DLG2: variants seen among roughly 807,000 people sequenced by gnomAD.
DLG2 encodes disks large homolog 2.
A neutral mutation model predicts 132.5 loss-of-function variants in DLG2; 45 were observed. That is an observed-to-expected ratio of 0.34 (90% CI 0.27 to 0.44). DLG2 has a LOEUF of 0.44. DLG2 is among the 20% of genes least tolerant of loss of function. DLG2 has a pLI of 1.00. For synonymous variants in DLG2, 424 were observed against 419.6 expected (o/e 1.01, Z -0.13); for missense variants, 1,045 against 1,196.9 (o/e 0.87, Z 1.87).
chr11:83,620,267 A>T (rs535080496), intron 19 of DLG2, among the ~76,000 whole-genome samples: 3 of 145,628 alleles, frequency 2.1e-5, no homozygotes, highest in East Asian at 3.9e-4. Context: ...CTTTAAAAAA[A>T]ATCTGTTTTT....
chr11:84,160,825 T>C (rs978874866), intron 9 of DLG2, among the ~76,000 whole-genome samples: 1 of 152,090 alleles, frequency 6.6e-6, no homozygotes, highest in East Asian at 1.9e-4. Flanking sequence ...TGGGAGAATA[T>C]ACTAGTAGAC....
At chr11:84,536,409 A>T (rs1051840187) in intron 6 of DLG2, among the ~76,000 whole-genome samples, 2 of 152,114 alleles carry the variant, frequency 1.3e-5, no homozygotes, top group African/African-American at 4.8e-5. Context: ...TTGGCTGCTT[A>T]GTAGAAAAAA....
At chr11:84,179,116 T>C (rs1351082377) in intron 8 of DLG2, among the ~76,000 whole-genome samples, 3 of 152,112 alleles carry the variant, frequency 2.0e-5, no homozygotes, top group African/African-American at 7.2e-5. Flanking sequence ...AATTAAAGTA[T>C]GACAACAATG....
intron 6 of DLG2, among the ~76,000 whole-genome samples, chr11:84,877,550 G>A (rs1283547873): frequency 5.8e-5 from 3 of 51,938 alleles, no homozygotes; most frequent in Non-Finnish European, 1.1e-4. Flanking sequence ...CCATTTGCTT[G>A]GCAAATATTC....
At chr11:84,445,613 T>G (rs990910790) in intron 7 of DLG2, among the ~76,000 whole-genome samples, 34 of 152,116 alleles carry the variant, frequency 2.2e-4, no homozygotes, top group Non-Finnish European at 7.3e-5. Context: ...ATCTGATTAT[T>G]TATAAAATAA....
chr11:84,065,984 A>G (rs1027403607), intron 10 of DLG2, among the ~76,000 whole-genome samples: 9 of 152,210 alleles, frequency 5.9e-5, no homozygotes, highest in Admixed American at 5.2e-4. Flanking sequence ...CAAATACTCC[A>G]TGATCTCATT....
At chr11:84,131,911 T>C (rs1039174412) in intron 9 of DLG2, among the ~76,000 whole-genome samples, 5 of 151,996 alleles carry the variant, frequency 3.3e-5, no homozygotes, top group Non-Finnish European at 7.4e-5. Flanking sequence ...TTTCTGGCCA[T>C]ATATGTATGT....
intron 7 of DLG2, among the ~76,000 whole-genome samples, chr11:84,505,456 A>C (rs1463142322): frequency 6.6e-6 from 1 of 152,208 alleles, no homozygotes; most frequent in Non-Finnish European, 1.5e-5. Context: ...CTACAGACCT[A>C]GTAAAAATCA....
At chr11:84,195,452 C>A (rs1328499480) in intron 8 of DLG2, among the ~76,000 whole-genome samples, 1 of 152,320 alleles carries the variant, frequency 6.6e-6, no homozygotes, top group East Asian at 1.9e-4. Context: ...GCATAAGCTA[C>A]CGTGCCCAGC....
intron 6 of DLG2, among the ~76,000 whole-genome samples, chr11:84,755,705 G>A (rs1269993414): frequency 6.6e-6 from 1 of 152,224 alleles, no homozygotes; most frequent in Non-Finnish European, 1.5e-5. Flanking sequence ...TTACAGGCAT[G>A]AGCTACCGCG....
At chr11:85,432,661 CG>C (rs1320010742) in intron 3 of DLG2, among the ~76,000 whole-genome samples, 1 of 151,906 alleles carries the variant, frequency 6.6e-6, no homozygotes, top group Non-Finnish European at 1.5e-5. Flanking sequence ...CCCAGAAATA[CG>C]GAACTACATA....
At chr11:84,166,514 A>AAG (rs1555391510) in intron 8 of DLG2, among the ~76,000 whole-genome samples, 5 of 149,452 alleles carry the variant, frequency 3.3e-5, no homozygotes, top group Admixed American at 6.6e-5. Context: ...AAAAAAAAAA[A>AAG]AAAAAAGAAA....
Position 84,998,973 on chromosome 11 carries a change from T to TTATATA in DLG2, c.357+112682_357+112687dup, listed in dbSNP as rs143714577. The stretch of plus-strand genomic sequence containing the variant: ...TGTCCCTTTTAACTTATTATTACAA[T>TTATATA]TATATATATATATATATTTTATTTC... On this transcript the variant is annotated intron_variant, in intron 6 of 27. Transcript: ENST00000376104. Among the ~76,000 whole-genome samples the TTATATA allele has an allele frequency of 6.7e-5, 10 of 148,664 alleles. No individual in the cohort carries two copies. In the South Asian group the frequency reaches 8.4e-4, roughly 12 times the overall value.
chr11:84,646,406 T>C (rs1438204732), intron 6 of DLG2, among the ~76,000 whole-genome samples: 1 of 152,150 alleles, frequency 6.6e-6, no homozygotes, highest in Non-Finnish European at 1.5e-5. Context: ...AGAAAATGTA[T>C]GAGGGTAAAC....
intron 4 of DLG2, among the ~76,000 whole-genome samples, chr11:85,213,634 G>C (rs966780135): frequency 1.3e-5 from 2 of 152,082 alleles, no homozygotes; most frequent in African/African-American, 4.8e-5. Flanking sequence ...TATTTTATCA[G>C]CCTAAGTTCT....
rs1565436029 is a variant in DLG2, at chr11:85,399,976, C to T, written c.41-114611G>A. 2.0e-5 allele frequency among the ~76,000 whole-genome samples: 3 copies of T among 151,972 alleles called. 1 individual carries two copies. The highest frequency in any genetic ancestry group is 4.8e-5 in the African/African-American group (2 of 41,460). On this transcript the variant is annotated intron_variant, in intron 3 of 27. Transcript: ENST00000376104. ...AGCTTCTGCACAGCAAAAGAAACTA[C>T]CATCAGAGTGAACAGGCAACCTACA...
intron 19 of DLG2, among the ~76,000 whole-genome samples, chr11:83,564,104 T>G (rs1432391948): frequency 7.3e-5 from 11 of 150,358 alleles, no homozygotes; most frequent in African/African-American, 2.4e-4. Flanking sequence ...TTTCATGTGT[T>G]TTTTTTTTTG....
Position 84,721,213 on chromosome 11 carries a change from CG to C in DLG2, c.358-186483del, listed in dbSNP as rs113671003. On this transcript the variant is annotated intron_variant, in intron 6 of 27. Transcript: ENST00000376104. ...GCCCTTTGACAACAGCATGCCTTGC[CG>C]GGGGCAGAGGGCCAGCAAAGAAATC... Among the ~76,000 whole-genome samples, 92 of 152,246 alleles carry C rather than the reference CG, an allele frequency of 6.0e-4. 3 individuals are homozygous for C. The highest frequency in any genetic ancestry group is 1.9e-3 in the African/African-American group (81 of 41,548).
chr11:84,762,911 C>T (rs561510686), intron 6 of DLG2, among the ~76,000 whole-genome samples: 2 of 152,194 alleles, frequency 1.3e-5, no homozygotes, highest in South Asian at 4.1e-4. Flanking sequence ...CTAACCAAGA[C>T]ACAGATGCAT....
Sources: gnomAD v4.1 joint callset for allele counts (sites outside exome capture counted in the v4.1 genomes callset) on GRCh38, gnomAD v4.1.1 for gene constraint, MANE v1.5 for transcripts, NCBI Gene and HGNC (gene_info 2026-07-23, HGNC 2026-07-21) for gene names.